CHN2: variants seen among roughly 807,000 people sequenced by gnomAD.
The protein encoded by CHN2 is chimerin 2, also known as beta-chimaerin.
Under a neutral mutation model 56.3 loss-of-function variants are expected in CHN2, and 35 were observed. The observed-to-expected ratio is 0.62, with a 90% CI of 0.47 to 0.82. The LOEUF is 0.82. Among genes scored for constraint, CHN2 ranks in the 40% least tolerant of loss-of-function variants. CHN2 has a pLI of 0.00. For missense variants in CHN2, 491 were observed against 580.5 expected, an observed-to-expected ratio of 0.85 and a Z score of 1.58; for synonymous variants, 210 against 212.8, an observed-to-expected ratio of 0.99 and a Z score of 0.12.
intron 12 of CHN2, among the ~76,000 whole-genome samples, chr7:29,510,765 C>T (rs12672219): frequency 0.57 from 86,842 of 152,112 alleles, 25,985 homozygotes; most frequent in Non-Finnish European, 0.67. Flanking sequence ...TCAAGTCCAT[C>T]CCATACTTTA....
intron 1 of CHN2, among the ~76,000 whole-genome samples, chr7:29,234,969 T>C (rs555380044): frequency 1.3e-5 from 2 of 152,292 alleles, no homozygotes; most frequent in East Asian, 1.9e-4. Context: ...TGTCTACTGG[T>C]ACAGTTCTAT....
intron 1 of CHN2, among the ~76,000 whole-genome samples, chr7:29,290,991 G>A (rs1417164318): frequency 1.3e-5 from 2 of 152,112 alleles, no homozygotes. Context: ...GCTTTCCGAG[G>A]GTTGCATCTC....
chr7:29,380,536 T>G (rs943152919), intron 3 of CHN2, among the ~76,000 whole-genome samples: 3 of 152,340 alleles, frequency 2.0e-5, no homozygotes, highest in Middle Eastern at 3.4e-3. Flanking sequence ...CTTTGAATAC[T>G]TAATACTCTT....
chr7:29,353,751 A>G (rs1798075126), intron 1 of CHN2, among the ~76,000 whole-genome samples: 1 of 152,206 alleles, frequency 6.6e-6, no homozygotes, highest in African/African-American at 2.4e-5. Context: ...TTCCATATCT[A>G]AAGGTGCTGA....
At chr7:29,433,095 G>A (rs555596918) in intron 6 of CHN2, among the ~76,000 whole-genome samples, 1 of 152,302 alleles carries the variant, frequency 6.6e-6, no homozygotes, top group East Asian at 1.9e-4. Context: ...CTTTCATTCA[G>A]TGTTTAAGTC....
Position 29,504,746 on chromosome 7 carries a change from T to C in CHN2, c.916T>C (p.Leu306=). 1 of 1,605,516 alleles carries C rather than the reference T, an allele frequency of 6.2e-7. No homozygotes were observed. The highest frequency in any genetic ancestry group is 8.5e-7 in the Non-Finnish European group (1 of 1,174,118). The change falls in exon 10 of 13, where the codon TTA becomes CTA. Residue 306 remains leucine (L), a splice_region_variant and synonymous_variant. Coordinates refer to ENST00000222792, the MANE Select transcript of CHN2 (RefSeq NM_004067.4). ...GTCTCTCTCTCTCTCTCTAACAGGA[T>C]TAAAATCGGAAGGCCTTTACAGAGT... ...ICIREIEARG[L]KSEGLYRVSG... is the part of the protein sequence containing the mutation.
intron 6 of CHN2, among the ~76,000 whole-genome samples, chr7:29,434,650 C>T (rs184893884): frequency 8.3e-4 from 126 of 152,286 alleles, no homozygotes; most frequent in African/African-American, 2.9e-3. Flanking sequence ...ATGACCTCAT[C>T]TTAACTTTAT....
intron 6 of CHN2, among the ~76,000 whole-genome samples, chr7:29,421,200 AT>A (rs1356782074): frequency 6.6e-6 from 1 of 152,206 alleles, no homozygotes; most frequent in Non-Finnish European, 1.5e-5. Flanking sequence ...ACTCAAGTTC[AT>A]TTCTCTTGCC....
chr7:29,210,330 T>C (rs1236215046), intron 1 of CHN2, among the ~76,000 whole-genome samples: 1 of 152,096 alleles, frequency 6.6e-6, no homozygotes, highest in African/African-American at 2.4e-5. Context: ...AGCCCAGAGG[T>C]AGTCCAAGTA....
chr7:29,239,297 T>C (rs901303277), intron 1 of CHN2, among the ~76,000 whole-genome samples: 3 of 152,168 alleles, frequency 2.0e-5, no homozygotes, highest in Non-Finnish European at 4.4e-5. Context: ...AATCTTAAAG[T>C]TGTTGACCTG....
At chr7:29,416,118 CT>C (rs1562590242) in intron 6 of CHN2, among the ~76,000 whole-genome samples, 2 of 152,206 alleles carry the variant, frequency 1.3e-5, no homozygotes, top group Non-Finnish European at 2.9e-5. Flanking sequence ...GCAAAGCCCT[CT>C]GCCATTTTCC....
intron 1 of CHN2, among the ~76,000 whole-genome samples, chr7:29,305,801 T>TCTTTC (rs1794096907): frequency 1.3e-5 from 1 of 77,298 alleles, no homozygotes; most frequent in Non-Finnish European, 3.3e-5. Flanking sequence ...CATCCTCCCG[T>TCTTTC]TCCTTCCTCC....
intron 1 of CHN2, among the ~76,000 whole-genome samples, chr7:29,251,456 A>AAAAAT (rs1307685706): frequency 1.3e-5 from 2 of 152,226 alleles, no homozygotes; most frequent in Non-Finnish European, 2.9e-5. Flanking sequence ...TCTGTCTGAA[A>AAAAAT]AAAATAAAAT....
intron 6 of CHN2, among the ~76,000 whole-genome samples, chr7:29,459,279 G>A (rs1784979291): frequency 6.6e-6 from 1 of 152,190 alleles, no homozygotes; most frequent in Non-Finnish European, 1.5e-5. Context: ...CTTCCCTCCT[G>A]TGTTTTCATC....
rs1793143033 is a variant in CHN2 at position 29,296,159 on chromosome 7, C to T, written c.50-58466C>T. ...AGTGCAGTGGCGTGATCTCTGCTCA[C>T]TGCAACCTCCACCTCCCAGGTTCAA... is the stretch of plus-strand genomic sequence containing the variant. On this transcript the variant is annotated intron_variant, in intron 1 of 12. Transcript: ENST00000222792. 3.3e-5 allele frequency among the ~76,000 whole-genome samples: 5 copies of T among 151,644 alleles called. No homozygotes were observed. In the South Asian group the frequency reaches 1.0e-3, roughly 32 times the overall value.
At chr7:29,305,748 C>T (rs1794089128) in intron 1 of CHN2, among the ~76,000 whole-genome samples, 2 of 152,082 alleles carry the variant, frequency 1.3e-5, no homozygotes, top group South Asian at 4.1e-4. Context: ...GCATCTATTT[C>T]ATATGTAAAT....
At chr7:29,437,823 A>G (rs912072063) in intron 6 of CHN2, among the ~76,000 whole-genome samples, 3 of 152,162 alleles carry the variant, frequency 2.0e-5, no homozygotes, top group Non-Finnish European at 4.4e-5. Flanking sequence ...TATCATTTAT[A>G]TTTAAGTTAA....
At chr7:29,398,598 C>A in intron 5 of CHN2, 112 bp downstream of exon 5, 1 of 699,028 alleles carries the variant, frequency 1.4e-6, no homozygotes, top group Non-Finnish European at 2.5e-6. Flanking sequence ...CATCATTTTT[C>A]CCATGTTTAT....
At position 29,252,578 on chromosome 7, in the gene CHN2, GTTTTTTTTT is replaced by G. The variant is rs545289689; in HGVS notation, c.49+57608_49+57616del. ...CTGTTTGTCTAAAATTGCATTCTTTGTTTTTTTTTTTTTTTTTTTTTTTTTTTTGAGACG... is the reference window on the plus strand; with the variant it reads ...CTGTTTGTCTAAAATTGCATTCTTTGTTTTTTTTTTTTTTTTTTTGAGACG... On this transcript the variant is annotated intron_variant, in intron 1 of 12. Transcript: ENST00000222792. 4.6e-3 allele frequency among the ~76,000 whole-genome samples: 89 copies of G among 19,498 alleles called. 4 individuals are homozygous for G. In the East Asian group the frequency reaches 0.087, roughly 19 times the overall value. The allele number at this position is 19,498 out of a possible 152,430, so 12.8% of individuals were successfully genotyped here.
Sources: gnomAD v4.1 joint callset for allele counts (sites outside exome capture counted in the v4.1 genomes callset) on GRCh38, gnomAD v4.1.1 for gene constraint, MANE v1.5 for transcripts, NCBI Gene and HGNC (gene_info 2026-07-23, HGNC 2026-07-21) for gene names.